Variants in NUP50 observed in about 807,000 individuals in gnomAD.
NUP50 encodes nuclear pore complex protein Nup50.
Under a neutral mutation model 36.8 loss-of-function variants are expected in NUP50, and 14 were observed. That is an observed-to-expected ratio of 0.38 (90% confidence interval 0.25 to 0.59). The LOEUF is 0.59. Ranked by LOEUF, NUP50 falls within the 20% of genes least tolerant of loss-of-function variation. The probability of loss-of-function intolerance (pLI) is 0.63; values close to 1 mark genes in which losing one functional copy is unlikely to be tolerated. For synonymous variants in NUP50, 195 were observed against 210.8 expected (o/e 0.93, Z 0.65); for missense variants, 455 against 564.6 (o/e 0.81, Z 1.97).
chr22:45,178,059 G>GCC, intron 4 of NUP50, 179 bp from the exon 5 acceptor site: 2 of 598,360 alleles, frequency 3.3e-6, no homozygotes, highest in Middle Eastern at 4.2e-4. Flanking sequence ...CTGGGAGGCA[G>GCC]AGGTTGCAGT....
rs1297385192 is a variant in NUP50, at chr22:45,176,020, A to G, written c.280A>G (p.Ile94Val). ...GGAAGGACTGTCGAATGGAAACAAC[A>G]TAACCAGTGCCCCTCCCTTCGCCAG... ...PLEGLSNGNN[I>V]TSAPPFASAK... is the part of the protein sequence containing the mutation. Residue 94 changes from isoleucine to valine, a missense_variant, in exon 4 of 8, where the codon ATA becomes GTA. Ile to Val is a conservative substitution (Grantham distance 29). Around this residue, in one of 3 missense-constraint regions of NUP50, gnomAD observed 166 missense variants for 202.8 expected, o/e 0.82. Transcript: ENST00000347635. 10 of 1,614,058 alleles carry G rather than the reference A, an allele frequency of 6.2e-6. No homozygotes were observed. Among genetic ancestry groups the G allele is most frequent in the South Asian group, 2.2e-5 (2 of 91,090 alleles).
chr22:45,170,390 G>A (rs1346381481), intron 2 of NUP50, among the ~76,000 whole-genome samples: 2 of 152,144 alleles, frequency 1.3e-5, no homozygotes, highest in African/African-American at 2.4e-5. Context: ...CTTATCAGCA[G>A]TGTGTTACCC....
rs2074458799 is a variant in NUP50 at position 45,185,673 on chromosome 22, A to T, written c.*1018A>T. The stretch of plus-strand genomic sequence containing the variant: ...TTAACTTTAGACCGCAGTATATTAT[A>T]ATACATTTGATATCTGAAATATCTT... On this transcript the variant is annotated 3_prime_UTR_variant, in exon 8 of 8. Transcript: ENST00000347635. 1 of 152,326 alleles carries T rather than the reference A, an allele frequency of 6.6e-6. No homozygotes were observed. The highest frequency in any genetic ancestry group is 2.1e-4 in the South Asian group (1 of 4,830). 9.4% of individuals were successfully genotyped at this position (152,326 alleles called of 1,614,324 possible).
Position 45,169,908 on chromosome 22 carries a change from G to A in NUP50, c.69+1662G>A, listed in dbSNP as rs1023795185. ...GGCTTGAACCCCTCCCTGTGGTGCT[G>A]TGCTTCAGTGGTCACACTCCTTGTC... On this transcript the variant is annotated intron_variant, in intron 2 of 7. Transcript: ENST00000347635. Among the ~76,000 whole-genome samples the A allele has an allele frequency of 2.0e-5, 3 of 152,346 alleles. No homozygotes were observed. The East Asian group carries it at 5.8e-4, about 29-fold the overall frequency.
In NUP50 at chr22:45,185,406, T is replaced by G. The variant is rs534859341; in HGVS notation, c.*751T>G. ...AAAGGGGGATTGCCAGGAATGGGTT[T>G]AAAAGCACAAATGTGGTAGCTTATC... On this transcript the variant is annotated 3_prime_UTR_variant, in exon 8 of 8. Coordinates refer to ENST00000347635, the MANE Select transcript of NUP50 (RefSeq NM_007172.4). The G allele has an allele frequency of 6.6e-6, 1 of 152,586 alleles. No homozygotes were observed. The highest frequency in any genetic ancestry group is 1.9e-4 in the East Asian group (1 of 5,180). The allele number at this position is 152,586 out of a possible 1,614,324, so 9.5% of individuals were successfully genotyped here.
At position 45,178,884 on chromosome 22, in the gene NUP50, C is replaced by G. The variant is rs552003251; in HGVS notation, c.987C>G (p.Asp329Glu). 122 of 1,612,768 alleles carry G rather than the reference C, an allele frequency of 7.6e-5. 2 individuals carry two copies. In the South Asian group the frequency reaches 1.3e-3, roughly 18 times the overall value. Residue 329 changes from aspartate to glutamate, a missense_variant, in exon 5 of 8, where the codon GAC becomes GAG. Physicochemically the swap from Asp to Glu is conservative, Grantham distance 45. Coordinates refer to ENST00000347635, the MANE Select transcript of NUP50 (RefSeq NM_007172.4). The part of the protein sequence containing the change: ...TKPLEGQAEG[D>E]SGECKGGDEE... ...CATTGGAGGGCCAAGCAGAAGGTGA[C>G]AGTGGTGAATGCAAAGGTAAGTACC...
chr22:45,171,626 G>A lies in NUP50; in HGVS notation c.96G>A (p.Glu32=). 2 of 1,614,146 alleles carry A rather than the reference G, an allele frequency of 1.2e-6. No homozygotes were observed. The highest frequency in any genetic ancestry group is 1.7e-6 in the Non-Finnish European group (2 of 1,180,012). Residue 32 remains glutamate, a synonymous_variant, in exon 3 of 8, where the codon GAG becomes GAA. Coordinates refer to ENST00000347635, the MANE Select transcript of NUP50 (RefSeq NM_007172.4). ...TGGGAACATTCTCCATGGCCAGTGA[G>A]GAAGTCTTGAAGAATAGAGCCATAA... ...EEVGTFSMAS[E]EVLKNRAIKK... is the part of the protein sequence containing the mutation.
At chr22:45,183,291 G>C in intron 6 of NUP50, 111 bp from the exon 7 acceptor site, 2 of 681,772 alleles carry the variant, frequency 2.9e-6, no homozygotes, top group Non-Finnish European at 5.3e-6. Flanking sequence ...GAAGCTTCCT[G>C]TACTCATTTA....
chr22:45,175,828 C>T, intron 3 of NUP50, 66 bp from the exon 4 acceptor site: 1 of 1,527,078 alleles, frequency 6.5e-7, no homozygotes. Flanking sequence ...ATGCTGTTGT[C>T]ACTCACTTGC....
chr22:45,180,647 G>A (rs1418053211), intron 5 of NUP50, among the ~76,000 whole-genome samples: 2 of 152,172 alleles, frequency 1.3e-5, no homozygotes, highest in Non-Finnish European at 2.9e-5. Flanking sequence ...CAGCGTGCTG[G>A]GATTACAGGC....
chr22:45,173,340 T>G (rs894337955), intron 3 of NUP50, among the ~76,000 whole-genome samples: 4 of 95,708 alleles, frequency 4.2e-5, no homozygotes, highest in Non-Finnish European at 6.2e-5. Flanking sequence ...CTTCAGGTGT[T>G]TTTTTTTTTT....
At chr22:45,179,240 C>T (rs1003820861) in intron 5 of NUP50, 11 of 221,756 alleles carry the variant, frequency 5.0e-5, no homozygotes, top group Non-Finnish European at 8.9e-5. Flanking sequence ...TCATCAAGTT[C>T]ATCATGAATG....
chr22:45,165,811 G>A (rs2074086332), intron 1 of NUP50: 1 of 152,204 alleles, frequency 6.6e-6, no homozygotes. Context: ...TCCAGGCACT[G>A]TTCTAAGCCA....
At chr22:45,176,722 G>GTTT (rs1344223660) in intron 4 of NUP50, among the ~76,000 whole-genome samples, 2 of 152,126 alleles carry the variant, frequency 1.3e-5, no homozygotes, top group African/African-American at 2.4e-5. Context: ...TGTAAAATAA[G>GTTT]TGTTCTCTGT....
chr22:45,178,536 C>T lies in NUP50; in HGVS notation c.639C>T (p.Asn213=), dbSNP rs764139691. The T allele has an allele frequency of 1.1e-5, 18 of 1,611,912 alleles. No homozygotes were observed. Among genetic ancestry groups the T allele is most frequent in the Non-Finnish European group, 1.4e-5 (17 of 1,179,866 alleles). ...NSGRNSESES[N]KVAAETQSPS... is the part of the protein sequence containing the mutation. ...GCAGGAATTCTGAAAGTGAATCTAA[C>T]AAAGTGGCAGCTGAAACACAGTCTC... Residue 213 remains asparagine, a synonymous_variant, in exon 5 of 8, where the codon AAC becomes AAT. Coordinates refer to ENST00000347635, the MANE Select transcript of NUP50 (RefSeq NM_007172.4).
chr22:45,170,566 A>G (rs1482596429), intron 2 of NUP50, among the ~76,000 whole-genome samples: 1 of 152,138 alleles, frequency 6.6e-6, no homozygotes, highest in Non-Finnish European at 1.5e-5. Flanking sequence ...TTTTTTCTCT[A>G]CAAGTGTATC....
intron 2 of NUP50, chr22:45,171,255 G>A (rs1398873605): frequency 1.0e-6 from 1 of 974,454 alleles, no homozygotes; most frequent in Non-Finnish European, 1.3e-6. Flanking sequence ...GGAGTGCAGT[G>A]GTGCTATCTC....
intron 2 of NUP50, among the ~76,000 whole-genome samples, chr22:45,169,507 A>G (rs1389404902): frequency 6.6e-6 from 1 of 152,256 alleles, no homozygotes; most frequent in Admixed American, 6.5e-5. Flanking sequence ...TCATAATACA[A>G]ATTAGATACA....
chr22:45,171,528 G>C lies in NUP50; in HGVS notation c.70-72G>C, dbSNP rs535208532. 84 of 1,309,800 alleles carry C rather than the reference G, an allele frequency of 6.4e-5. 1 individual carries two copies. Among genetic ancestry groups the C allele is most frequent in the Admixed American group, 1.0e-4 (6 of 58,796 alleles). 81.1% of individuals were successfully genotyped at this position (1,309,800 alleles called of 1,614,324 possible). On this transcript the variant is annotated intron_variant, in intron 2 of 7. Coordinates refer to ENST00000347635, the MANE Select transcript of NUP50 (RefSeq NM_007172.4). ...GGACACAGTGGCTCAGTTCTAGCTTGTTGTTGTTGTTGAGGATTTTGTCAT... is the reference window on the plus strand; with the variant it reads ...GGACACAGTGGCTCAGTTCTAGCTTCTTGTTGTTGTTGAGGATTTTGTCAT...
Sources: allele counts gnomAD v4.1 joint callset (sites outside exome capture counted in the v4.1 genomes callset), GRCh38; gene constraint gnomAD v4.1.1; regional missense constraint gnomAD v4.1.1; transcripts MANE v1.5; gene names NCBI Gene and HGNC (gene_info 2026-07-23, HGNC 2026-07-21).